LYPLAL1: variants seen among roughly 807,000 people sequenced by gnomAD.
LYPLAL1 encodes lysophospholipase-like protein 1.
A neutral mutation model predicts 19.7 loss-of-function variants in LYPLAL1; 23 were observed. That is an observed-to-expected ratio of 1.17 (90% CI 0.84 to 1.65). LYPLAL1 has a LOEUF of 1.65. Among genes scored for constraint, LYPLAL1 ranks in the 40% most tolerant of loss-of-function variants. LYPLAL1 has a pLI of 0.00. For synonymous variants in LYPLAL1, 119 were observed against 96.3 expected (o/e 1.24, Z -1.38); for missense variants, 355 against 279.4 (o/e 1.27, Z -1.93).
the LYPLAL1 span, among the ~76,000 whole-genome samples, chr1:219,420,786 A>G: frequency 3.9e-5 from 6 of 152,200 alleles, no homozygotes; most frequent in Admixed American, 2.0e-4. Flanking sequence ...TTACTATGGC[A>G]TCTTTTAAAA....
the LYPLAL1 span, among the ~76,000 whole-genome samples, chr1:219,360,115 A>G: frequency 1.1e-4 from 16 of 152,226 alleles, no homozygotes; most frequent in Non-Finnish European, 4.4e-5. Context: ...AGAAAATCCA[A>G]GAGAGCATTA....
the LYPLAL1 span, among the ~76,000 whole-genome samples, chr1:219,279,169 G>C: frequency 1.3e-5 from 2 of 152,204 alleles, no homozygotes; most frequent in Admixed American, 1.3e-4. Context: ...GATAACACTT[G>C]TTGGGTTAAT....
At chr1:219,306,821 TAGATAG>T in the LYPLAL1 span, among the ~76,000 whole-genome samples, 44 of 105,040 alleles carry the variant, frequency 4.2e-4, 1 homozygote, top group African/African-American at 1.2e-3. Flanking sequence ...TATAGATAGA[TAGATAG>T]ATAGATAGAT....
chr1:219,384,293 A>C, the LYPLAL1 span, among the ~76,000 whole-genome samples: 15,961 of 152,258 alleles, frequency 0.1, 834 homozygotes, highest in African/African-American at 0.13. Flanking sequence ...TTGAGAGGTG[A>C]TACTCTTGCC....
At chr1:219,223,437 A>T in the LYPLAL1 span, among the ~76,000 whole-genome samples, 2 of 152,360 alleles carry the variant, frequency 1.3e-5, no homozygotes, top group South Asian at 4.1e-4. Context: ...AGTACTTTAG[A>T]AAATAAGTGT....
the LYPLAL1 span, among the ~76,000 whole-genome samples, chr1:219,289,975 A>G: frequency 3.3e-5 from 5 of 152,298 alleles, no homozygotes; most frequent in Non-Finnish European, 7.3e-5. Flanking sequence ...ACTGATCCAC[A>G]ATCCTCTAAA....
the LYPLAL1 span, among the ~76,000 whole-genome samples, chr1:219,269,004 C>G: frequency 6.6e-6 from 1 of 152,218 alleles, no homozygotes; most frequent in Non-Finnish European, 1.5e-5. Flanking sequence ...TTTCCTGTGG[C>G]TGATTGTCAA....
At chr1:219,183,899 A>G (rs1239777974) in intron 2 of LYPLAL1, among the ~76,000 whole-genome samples, 7 of 151,802 alleles carry the variant, frequency 4.6e-5, no homozygotes, top group Admixed American at 4.6e-4. Flanking sequence ...TTCTTGTTAC[A>G]CGTCTTTTTG....
At chr1:219,280,261 G>T in the LYPLAL1 span, among the ~76,000 whole-genome samples, 1 of 152,276 alleles carries the variant, frequency 6.6e-6, no homozygotes, top group Middle Eastern at 3.4e-3. Context: ...TAAACAAGCA[G>T]ATAATACGTA....
At chr1:219,409,110 T>G in the LYPLAL1 span, among the ~76,000 whole-genome samples, 1 of 152,078 alleles carries the variant, frequency 6.6e-6, no homozygotes, top group East Asian at 1.9e-4. Flanking sequence ...ACAATAAGAA[T>G]AAAAAGGAAG....
At chr1:219,185,445 C>A (rs1656648325) in intron 2 of LYPLAL1, among the ~76,000 whole-genome samples, 1 of 151,792 alleles carries the variant, frequency 6.6e-6, no homozygotes, top group South Asian at 2.1e-4. Flanking sequence ...ACATTTCTCA[C>A]TAATCATTAC....
At chr1:219,338,622 C>A in the LYPLAL1 span, among the ~76,000 whole-genome samples, 3 of 150,438 alleles carry the variant, frequency 2.0e-5, no homozygotes, top group Admixed American at 6.6e-5. Context: ...AAAAAAAAAA[C>A]AAAAACAGAA....
At chr1:219,389,176 A>G in the LYPLAL1 span, among the ~76,000 whole-genome samples, 2 of 152,326 alleles carry the variant, frequency 1.3e-5, no homozygotes, top group South Asian at 2.1e-4. Context: ...TAATTCAGAC[A>G]TGCAGGAAAT....
At chr1:219,418,455 T>C in the LYPLAL1 span, among the ~76,000 whole-genome samples, 1 of 152,228 alleles carries the variant, frequency 6.6e-6, no homozygotes, top group Non-Finnish European at 1.5e-5. Context: ...TGCCTCACTC[T>C]GTGTTTAAAG....
At chr1:219,324,919 A>G in the LYPLAL1 span, among the ~76,000 whole-genome samples, 294 of 152,274 alleles carry the variant, frequency 1.9e-3, 4 homozygotes, top group African/African-American at 6.8e-3. Context: ...GCTTTTTTCA[A>G]ATAAGGTGTT....
At chr1:219,355,749 G>T in the LYPLAL1 span, among the ~76,000 whole-genome samples, 2 of 151,736 alleles carry the variant, frequency 1.3e-5, no homozygotes, top group African/African-American at 2.4e-5. Flanking sequence ...AAATTTAAAA[G>T]AATTGAAACC....
chr1:219,368,782 C>T, the LYPLAL1 span, among the ~76,000 whole-genome samples: 2 of 152,224 alleles, frequency 1.3e-5, no homozygotes, highest in East Asian at 3.9e-4. Context: ...TGATAAATCA[C>T]TTGATTTTAC....
the LYPLAL1 span, among the ~76,000 whole-genome samples, chr1:219,360,793 C>A: frequency 9.9e-5 from 15 of 152,220 alleles, no homozygotes; most frequent in East Asian, 2.5e-3. Flanking sequence ...AAAGCATGCT[C>A]CCTGATGGTG....
chr1:219,230,270 G>A, the LYPLAL1 span, among the ~76,000 whole-genome samples: 6 of 151,992 alleles, frequency 3.9e-5, no homozygotes, highest in East Asian at 1.9e-4. Flanking sequence ...CTGCTACCAC[G>A]CCCGGCTAAT....
Sources: allele counts gnomAD v4.1 joint callset (sites outside exome capture counted in the v4.1 genomes callset), GRCh38; gene constraint gnomAD v4.1.1; transcripts MANE v1.5; gene names NCBI Gene and HGNC (gene_info 2026-07-23, HGNC 2026-07-21).